The following PTPRM variants were observed in gnomAD, a reference collection of about 807,000 sequenced individuals.
PTPRM encodes the protein protein tyrosine phosphatase receptor type M, also known as receptor-type tyrosine-protein phosphatase mu.
PTPRM carries 47 observed loss-of-function variants against 186.7 expected under a neutral mutation model. The ratio of observed to expected loss-of-function variants is 0.25; its 90% confidence interval spans 0.20 to 0.32. PTPRM has a LOEUF of 0.32. PTPRM is among the 10% of genes least tolerant of loss of function. The pLI is 1.00. For missense variants in PTPRM, 1,494 were observed against 1,865.0 expected, an observed-to-expected ratio of 0.80 and a Z score of 3.66; for synonymous variants, 668 against 674.9, an observed-to-expected ratio of 0.99 and a Z score of 0.16.
chr18:7,722,342 T>G (rs766829392), intron 1 of PTPRM, among the ~76,000 whole-genome samples: 11 of 152,190 alleles, frequency 7.2e-5, no homozygotes, highest in Non-Finnish European at 1.6e-4. Flanking sequence ...CCATTTCTTT[T>G]TATTTGAAAA....
chr18:8,394,672 G>A, intron 32 of PTPRM, 61 bp downstream of exon 32: 1 of 1,458,652 alleles, frequency 6.9e-7, no homozygotes, highest in South Asian at 1.4e-5. Context: ...ATCCACTCCA[G>A]CTCCCAGATT....
intron 11 of PTPRM, among the ~76,000 whole-genome samples, chr18:8,090,264 GCT>G (rs1230215697): frequency 4.6e-5 from 7 of 152,130 alleles, no homozygotes; most frequent in African/African-American, 1.7e-4. Context: ...GAAAATGTAT[GCT>G]CTGACCATGG....
rs527263510 is a variant in PTPRM at position 8,053,151 on chromosome 18, TC to T, written c.1133-16534del. On this transcript the variant is annotated intron_variant, in intron 7 of 32. Transcript: ENST00000580170. ...ACTAAATACCTCTTTATATCATTTG[TC>T]TTTATTGTGTTTGGTTGTTTTCCCT... Among the ~76,000 whole-genome samples, 8 of 152,324 alleles carry T rather than the reference TC, an allele frequency of 5.3e-5. No homozygotes were observed. The East Asian group carries it at 1.5e-3, about 29-fold the overall frequency.
chr18:8,120,608 G>A (rs556726141), intron 13 of PTPRM, among the ~76,000 whole-genome samples: 2 of 150,722 alleles, frequency 1.3e-5, no homozygotes, highest in East Asian at 3.9e-4. Flanking sequence ...CAGTCCTCCT[G>A]CCTCAGCCTC....
At chr18:8,039,348 A>G (rs1827605308) in intron 7 of PTPRM, among the ~76,000 whole-genome samples, 1 of 152,144 alleles carries the variant, frequency 6.6e-6, no homozygotes, top group Non-Finnish European at 1.5e-5. Flanking sequence ...TAATCTTAAT[A>G]TTTCCACAAA....
chr18:8,158,125 A>AT, intron 14 of PTPRM, among the ~76,000 whole-genome samples: 1 of 152,196 alleles, frequency 6.6e-6, no homozygotes, highest in Non-Finnish European at 1.5e-5. Flanking sequence ...AACTCCACTC[A>AT]TTTTTAACCT....
chr18:8,265,407 C>T (rs965465193), intron 19 of PTPRM, among the ~76,000 whole-genome samples: 43 of 152,206 alleles, frequency 2.8e-4, no homozygotes, highest in African/African-American at 1.0e-3. Flanking sequence ...CCATGTGCTG[C>T]TCTCCTGGGT....
At chr18:7,767,467 G>T (rs2042067743) in intron 1 of PTPRM, among the ~76,000 whole-genome samples, 1 of 152,116 alleles carries the variant, frequency 6.6e-6, no homozygotes, top group African/African-American at 2.4e-5. Context: ...TTGTCTCCAG[G>T]CCTGAAGCTT....
At chr18:7,677,871 G>A (rs1017064382) in intron 1 of PTPRM, among the ~76,000 whole-genome samples, 3 of 152,120 alleles carry the variant, frequency 2.0e-5, no homozygotes, top group African/African-American at 4.8e-5. Flanking sequence ...CTGGTTTGCT[G>A]TGTGGGACTT....
chr18:7,596,042 G>A lies in PTPRM; in HGVS notation c.73+28151G>A, dbSNP rs73385374. On this transcript the variant is annotated intron_variant, in intron 1 of 32. Coordinates refer to ENST00000580170, the MANE Select transcript of PTPRM (RefSeq NM_001105244.2). The stretch of plus-strand genomic sequence containing the variant: ...TAAGGTGTTTTAGGCATTTGTGTAT[G>A]GTAGTACCCCCTTATCTGCAGTTGT... Among the ~76,000 whole-genome samples, 1,442 of 152,294 alleles carry A rather than the reference G, an allele frequency of 9.5e-3. 28 individuals are homozygous for A. Among genetic ancestry groups the A allele is most frequent in the African/African-American group, 0.033 (1,354 of 41,544 alleles).
intron 1 of PTPRM, among the ~76,000 whole-genome samples, chr18:7,573,778 C>T (rs1438541034): frequency 1.3e-5 from 2 of 151,556 alleles, no homozygotes; most frequent in South Asian, 2.1e-4. Flanking sequence ...TTAGTAGAGA[C>T]GGGGTTTCAC....
chr18:8,404,026 T>G (rs959774726), intron 32 of PTPRM: 7 of 152,074 alleles, frequency 4.6e-5, no homozygotes, highest in Non-Finnish European at 1.0e-4. Flanking sequence ...GTTTACAGAG[T>G]TTTTGTGTAT....
At chr18:7,602,428 AT>A (rs34285707) in intron 1 of PTPRM, among the ~76,000 whole-genome samples, 14,563 of 142,424 alleles carry the variant, frequency 0.1, 1,067 homozygotes, top group African/African-American at 0.22. Context: ...GATTGTGGCA[AT>A]TTTTTTTTTT....
chr18:8,142,014 G>C (rs2092777261), intron 13 of PTPRM, among the ~76,000 whole-genome samples: 1 of 152,114 alleles, frequency 6.6e-6, no homozygotes, highest in Non-Finnish European at 1.5e-5. Context: ...CTCCCAGTCA[G>C]CCACCTGGTG....
At chr18:8,280,497 G>A (rs912991512) in intron 19 of PTPRM, among the ~76,000 whole-genome samples, 9 of 152,034 alleles carry the variant, frequency 5.9e-5, no homozygotes, top group Non-Finnish European at 1.0e-4. Flanking sequence ...TTTGAGACCC[G>A]ACCAAGGTTG....
At chr18:8,102,844 G>A (rs1399282541) in intron 11 of PTPRM, among the ~76,000 whole-genome samples, 1 of 152,132 alleles carries the variant, frequency 6.6e-6, no homozygotes, top group Non-Finnish European at 1.5e-5. Context: ...GGCAGCTATA[G>A]CATCACAAAA....
chr18:8,187,960 AT>A (rs2093664081), intron 14 of PTPRM, among the ~76,000 whole-genome samples: 1 of 152,128 alleles, frequency 6.6e-6, no homozygotes, highest in African/African-American at 2.4e-5. Context: ...TAAACATCGT[AT>A]TTTTTTCTGT....
chr18:8,220,800 T>G (rs530969994), intron 14 of PTPRM, among the ~76,000 whole-genome samples: 19 of 152,240 alleles, frequency 1.2e-4, no homozygotes, highest in Admixed American at 2.6e-4. Context: ...TTGAATTACA[T>G]TGAATCGATG....
chr18:7,890,421 T>G (rs2049012346), intron 3 of PTPRM, among the ~76,000 whole-genome samples: 1 of 152,176 alleles, frequency 6.6e-6, no homozygotes, highest in African/African-American at 2.4e-5. Context: ...CCTGGACTGA[T>G]GAATAAATGG....
Sources: gnomAD v4.1 joint callset for allele counts (sites outside exome capture counted in the v4.1 genomes callset) on GRCh38, gnomAD v4.1.1 for gene constraint, MANE v1.5 for transcripts, NCBI Gene and HGNC (gene_info 2026-07-23, HGNC 2026-07-21) for gene names.